Variants in CREBBP observed in about 807,000 individuals in gnomAD.
CREBBP encodes CREB binding lysine acetyltransferase.
Under a neutral mutation model 265.0 loss-of-function variants are expected in CREBBP, and 19 were observed. The ratio of observed to expected loss-of-function variants is 0.07; its 90% CI spans 0.05 to 0.11. The LOEUF is 0.11. Ranked by LOEUF, CREBBP falls within the 10% of genes least tolerant of loss-of-function variation. The pLI, the probability that CREBBP is intolerant of heterozygous loss-of-function variation, is 1.00. For synonymous variants in CREBBP, 1,457 were observed against 1,223.7 expected (o/e 1.19, Z -3.98); for missense variants, 2,525 against 3,219.0 (o/e 0.78, Z 5.22).
chr16:3,781,232 C>A lies in CREBBP; in HGVS notation c.1648G>T (p.Ala550Ser), dbSNP rs753419753. 1 of 1,614,020 alleles carries A rather than the reference C, an allele frequency of 6.2e-7. No individual in the cohort carries two copies. Among genetic ancestry groups the A allele is most frequent in the Non-Finnish European group, 8.5e-7 (1 of 1,179,944 alleles). The change falls in exon 7 of 31, where the codon GCT (alanine) becomes TCT (serine). Residue 550 changes from alanine (A) to serine (S), a missense_variant. This residue lies in a region of CREBBP where 144 missense variants were observed against 134.0 expected (regional missense o/e 1.07). Transcript: ENST00000262367. ...QQPPNLISESALPTSLGATNP... is the reference protein window; with the variant it reads ...QQPPNLISESSLPTSLGATNP... ...GTGGCCCCCAGGGAAGTCGGAAGAG[C>A]TGATTCTGAAATCAAGTTTGGGGGC...
At chr16:3,744,358 G>A (rs997102871) in intron 23 of CREBBP, among the ~76,000 whole-genome samples, 3 of 152,216 alleles carry the variant, frequency 2.0e-5, no homozygotes, top group Non-Finnish European at 4.4e-5. Context: ...GCACGCACGA[G>A]GGGTGAGGGG....
intron 16 of CREBBP, among the ~76,000 whole-genome samples, chr16:3,760,148 A>G (rs975297639): frequency 6.6e-6 from 1 of 152,068 alleles, no homozygotes; most frequent in Non-Finnish European, 1.5e-5. Context: ...TTGGGGGACA[A>G]TGGCATCATC....
At chr16:3,797,172 A>G (rs1362268314) in intron 3 of CREBBP, among the ~76,000 whole-genome samples, 2 of 152,184 alleles carry the variant, frequency 1.3e-5, no homozygotes, top group Non-Finnish European at 2.9e-5. Flanking sequence ...CCTCCCTTTA[A>G]AGCACAGAAC....
At chr16:3,745,984 T>C (rs2052332768) in intron 21 of CREBBP, among the ~76,000 whole-genome samples, 1 of 152,208 alleles carries the variant, frequency 6.6e-6, no homozygotes, top group African/African-American at 2.4e-5. Flanking sequence ...TCCTCCACAC[T>C]GTTCTACGGC....
In CREBBP at chr16:3,849,442, T is replaced by TGTGTG. The variant is rs1567360489; in HGVS notation, c.798+850_798+854dup. On this transcript the variant is annotated intron_variant, in intron 2 of 30. Coordinates refer to ENST00000262367, the MANE Select transcript of CREBBP (RefSeq NM_004380.3). ...GTGTGTGTGTGTGTGTGTGTGTGTG[T>TGTGTG]GTGTGTGTGTGTGTGTGTGTGTGTG... Among the ~76,000 whole-genome samples, 169 of 18,700 alleles carry TGTGTG rather than the reference T, an allele frequency of 9.0e-3. 12 individuals are homozygous for TGTGTG. Among genetic ancestry groups the TGTGTG allele is most frequent in the East Asian group, 0.044 (10 of 226 alleles). 12.3% of individuals were successfully genotyped at this position (18,700 alleles called of 152,430 possible).
chr16:3,727,430 A>T lies in CREBBP; in HGVS notation c.*288T>A, dbSNP rs567905024. 3.5e-4 allele frequency: 127 copies of T among 359,074 alleles called. 4 individuals carry two copies. The South Asian group carries it at 4.8e-3, about 14-fold the overall frequency. 22.2% of individuals were successfully genotyped at this position (359,074 alleles called of 1,614,324 possible). Reference sequence around the variant, plus strand: ...CATGAGTCACCAGCAATGACGACAAAAAGAATCCAAACAAAACCCCCCTCC... The same window carrying T: ...CATGAGTCACCAGCAATGACGACAATAAGAATCCAAACAAAACCCCCCTCC... On this transcript the variant is annotated 3_prime_UTR_variant, in exon 31 of 31. Coordinates refer to ENST00000262367, the MANE Select transcript of CREBBP (RefSeq NM_004380.3).
chr16:3,739,553 G>A (rs749893402), intron 25 of CREBBP, 25 bp downstream of exon 25: 6 of 1,614,018 alleles, frequency 3.7e-6, no homozygotes, highest in Admixed American at 1.7e-5. Flanking sequence ...TGAATGACAC[G>A]CCCTGGAAGG....
intron 2 of CREBBP, among the ~76,000 whole-genome samples, chr16:3,849,423 GTGTGTGTGTGTGTGTGTGTGTGT>G (rs1567360025): frequency 0.012 from 121 of 9,840 alleles, 2 homozygotes; most frequent in South Asian, 0.041. Context: ...GTGTGTGTGT[GTGTGTGTGTGTGTGTGTGTGTGT>G]GTGTGTGTGT....
intron 30 of CREBBP, among the ~76,000 whole-genome samples, 177 bp from the exon 31 acceptor site, chr16:3,730,051 C>T (rs2051870657): frequency 6.6e-6 from 1 of 152,068 alleles, no homozygotes; most frequent in South Asian, 2.1e-4. Flanking sequence ...GGCGGGAGCA[C>T]GGACAAGATG....
At chr16:3,837,529 T>C (rs111269693) in intron 2 of CREBBP, among the ~76,000 whole-genome samples, 12,138 of 151,732 alleles carry the variant, frequency 0.08, 688 homozygotes, top group Non-Finnish European at 0.12. Context: ...GGCAGGAGAA[T>C]TGCTTGAACC....
intron 21 of CREBBP, among the ~76,000 whole-genome samples, chr16:3,746,946 A>G (rs928627210): frequency 6.6e-6 from 1 of 152,066 alleles, no homozygotes; most frequent in Admixed American, 6.6e-5. Context: ...CCCTGTTTCA[A>G]AAACAACAAA....
rs766315825 is a variant in CREBBP at position 3,769,185 on chromosome 16, G to A, written c.3049C>T (p.Pro1017Ser). The change falls in exon 15 of 31, where the codon CCC becomes TCC. Residue 1017 changes from proline to serine, a missense_variant. Around this residue, in one of 19 missense-constraint regions of CREBBP, gnomAD observed 548 missense variants for 533.0 expected, o/e 1.03. Coordinates refer to ENST00000262367, the MANE Select transcript of CREBBP (RefSeq NM_004380.3). ...EPDPGESKGE[P>S]RSEMMEEDLQ... ...GGAGCGGCACCCACCTCAGACCTGG[G>A]CTCCCCTTTGGATTCACCAGGATCG... 6.2e-7 allele frequency: 1 copy of A among 1,614,068 alleles called. No individual in the cohort carries two copies. The highest frequency in any genetic ancestry group is 1.1e-5 in the South Asian group (1 of 91,070).
At chr16:3,803,281 T>A (rs1219334968) in intron 3 of CREBBP, among the ~76,000 whole-genome samples, 7 of 7,596 alleles carry the variant, frequency 9.2e-4, no homozygotes, top group African/African-American at 5.3e-3. Context: ...GGGGGGGGGG[T>A]GGATCACGAG....
At chr16:3,745,567 C>T (rs917477666) in intron 21 of CREBBP, 14 of 579,114 alleles carry the variant, frequency 2.4e-5, no homozygotes, top group African/African-American at 1.9e-4. Flanking sequence ...TTTGTACAAG[C>T]GCTTCATTCC....
chr16:3,782,857 G>A lies in CREBBP; in HGVS notation c.1400C>T (p.Ala467Val), dbSNP rs2141252752. The A allele has an allele frequency of 6.2e-7, 1 of 1,614,174 alleles. No homozygotes were observed. The highest frequency in any genetic ancestry group is 1.7e-5 in the Admixed American group (1 of 60,018). Reference sequence around the variant, plus strand: ...GGGATTTGGGTTACTTAAAGAAGTGGCATTCTGTTGCCCTGTGCCAACAGA... The same window carrying A: ...GGGATTTGGGTTACTTAAAGAAGTGACATTCTGTTGCCCTGTGCCAACAGA... ...IGSVGTGQQN[A>V]TSLSNPNPID... Residue 467 changes from alanine (A) to valine (V), a missense_variant, in exon 6 of 31, where the codon GCC (alanine) becomes GTC (valine). Coordinates refer to ENST00000262367, the MANE Select transcript of CREBBP (RefSeq NM_004380.3).
In CREBBP at chr16:3,728,613, A is replaced by G. The variant is rs1366973284; in HGVS notation, c.6434T>C (p.Met2145Thr). Residue 2145 changes from methionine to threonine, a missense_variant, in exon 31 of 31, where the codon ATG (methionine) becomes ACG (threonine). Met to Thr is a moderately conservative substitution (Grantham distance 81). This residue lies in a region of CREBBP where 473 missense variants were observed against 459.3 expected (regional missense o/e 1.03). Transcript: ENST00000262367. This position sits in a 1 kb window ranked among gnomAD's most constrained non-coding sequence, Gnocchi z 8.7. ...ACCGGGCCGCGGCACGCCAGCCTGC[A>G]TGGCATTCAGGTTCTGCAGGCTGGG... ...QQPSLQNLNA[M>T]QAGVPRPGVP... The G allele has an allele frequency of 1.9e-6, 3 of 1,613,520 alleles. No homozygotes were observed. Among genetic ancestry groups the G allele is most frequent in the Non-Finnish European group, 2.5e-6 (3 of 1,179,912 alleles).
At chr16:3,877,526 T>G (rs952250898) in intron 1 of CREBBP, among the ~76,000 whole-genome samples, 1 of 152,152 alleles carries the variant, frequency 6.6e-6, no homozygotes, top group Non-Finnish European at 1.5e-5. Flanking sequence ...CCTCAGCCTC[T>G]CAAGTAGCTG....
intron 18 of CREBBP, among the ~76,000 whole-genome samples, 185 bp downstream of exon 18, chr16:3,757,624 T>A (rs1463620876): frequency 6.6e-6 from 1 of 152,032 alleles, no homozygotes; most frequent in Non-Finnish European, 1.5e-5. Flanking sequence ...ATGGCCTCCC[T>A]CAGTAAGCGC....
intron 3 of CREBBP, among the ~76,000 whole-genome samples, chr16:3,797,319 A>G (rs1340795260): frequency 6.6e-6 from 1 of 152,220 alleles, no homozygotes; most frequent in Admixed American, 6.5e-5. Context: ...AACATACTAT[A>G]AAGCTAATTT....
Sources: allele counts gnomAD v4.1 joint callset (sites outside exome capture counted in the v4.1 genomes callset), GRCh38; gene constraint gnomAD v4.1.1; regional missense constraint gnomAD v4.1.1; non-coding constraint Gnocchi (gnomAD v3.1); transcripts MANE v1.5; gene names NCBI Gene and HGNC (gene_info 2026-07-23, HGNC 2026-07-21).